The following PCDHA9 variants were observed in gnomAD, a reference collection of about 807,000 sequenced individuals.
PCDHA9 encodes the protein protocadherin alpha-9.
A neutral mutation model predicts 62.0 loss-of-function variants in PCDHA9; 62 were observed. That is an observed-to-expected ratio of 1.00 (90% confidence interval 0.81 to 1.23). PCDHA9 has a LOEUF of 1.23. Among genes scored for constraint, PCDHA9 ranks in the 50% most tolerant of loss-of-function variants. The pLI, the probability that PCDHA9 is intolerant of heterozygous loss-of-function variation, is 0.00. For synonymous variants in PCDHA9, 557 were observed against 567.6 expected, an observed-to-expected ratio of 0.98 and a Z score of 0.27; for missense variants, 1,205 against 1,249.8, an observed-to-expected ratio of 0.96 and a Z score of 0.54.
intron 1 of PCDHA9, chr5:140,928,859 T>G (rs782758888): frequency 1.2e-6 from 2 of 1,614,176 alleles, no homozygotes; most frequent in Non-Finnish European, 1.7e-6. Flanking sequence ...GGTGTGCTGT[T>G]GAGCAACTCT....
chr5:140,927,031 GC>G, intron 1 of PCDHA9: 6 of 1,612,410 alleles, frequency 3.7e-6, no homozygotes, highest in Non-Finnish European at 5.1e-6. Flanking sequence ...GAGGCTGCCA[GC>G]GGCCGCTATG....
In PCDHA9 at chr5:140,849,860, C is replaced by T. The variant is rs1451585591; in HGVS notation, c.1365C>T (p.Phe455=). The T allele has an allele frequency of 5.6e-5, 89 of 1,598,432 alleles. 9 individuals carry two copies. Among genetic ancestry groups the T allele is most frequent in the Non-Finnish European group, 7.4e-5 (87 of 1,167,988 alleles). ...ACGTGAACGACAACGCACCAGCGTT[C>T]GCGCAGTCCGAGTACACGGTGTTCG... The part of the protein sequence containing the change: ...VADVNDNAPA[F]AQSEYTVFVK... The change falls in exon 1 of 4, where the codon TTC becomes TTT. Residue 455 remains phenylalanine, a synonymous_variant. Transcript: ENST00000532602.
chr5:140,935,852 CTT>C (rs1267620281), intron 1 of PCDHA9, among the ~76,000 whole-genome samples: 2 of 149,326 alleles, frequency 1.3e-5, no homozygotes, highest in African/African-American at 4.9e-5. Context: ...TTAATGGTGT[CTT>C]TTGATTAGCA....
intron 2 of PCDHA9, among the ~76,000 whole-genome samples, chr5:140,979,837 C>T (rs1554241124): frequency 6.6e-6 from 1 of 152,188 alleles, no homozygotes; most frequent in Non-Finnish European, 1.5e-5. Flanking sequence ...AAGAAATAAT[C>T]TTCAAACTTA....
intron 1 of PCDHA9, chr5:140,876,322 A>G (rs146464308): frequency 6.2e-7 from 1 of 1,614,034 alleles, no homozygotes; most frequent in Non-Finnish European, 8.5e-7. Context: ...GATCAAAATG[A>G]TTTTGCCAGT....
chr5:141,002,437 T>C (rs1238744621), intron 3 of PCDHA9, among the ~76,000 whole-genome samples: 1 of 152,186 alleles, frequency 6.6e-6, no homozygotes, highest in Non-Finnish European at 1.5e-5. Context: ...GCAATAACCA[T>C]AATAATTGGC....
rs1562687946 is a variant in PCDHA9 at position 140,874,243 on chromosome 5, TG to T, written c.2394+23356del. ...GTAGGAATGAATGGCAACAAATTAT[TG>T]GTTTAAAGATTTTGACTTGAGTATT... On this transcript the variant is annotated intron_variant, in intron 1 of 3. Coordinates refer to ENST00000532602, the MANE Select transcript of PCDHA9 (RefSeq NM_031857.2). 2.0e-5 allele frequency among the ~76,000 whole-genome samples: 3 copies of T among 152,230 alleles called. No homozygotes were observed. In the South Asian group the frequency reaches 6.2e-4, roughly 32 times the overall value.
At chr5:140,962,406 T>C (rs1272839882) in intron 1 of PCDHA9, among the ~76,000 whole-genome samples, 1 of 152,218 alleles carries the variant, frequency 6.6e-6, no homozygotes, top group African/African-American at 2.4e-5. Context: ...GCCCCAAACC[T>C]GTCTCTCCCT....
Position 140,921,480 on chromosome 5 carries a change from A to G in PCDHA9, c.2395-57469A>G, listed in dbSNP as rs201609452. On this transcript the variant is annotated intron_variant, in intron 1 of 3. Coordinates refer to ENST00000532602, the MANE Select transcript of PCDHA9 (RefSeq NM_031857.2). ...CCTGCAACCACTACCAAACCACTCT[A>G]CCTGAGATTAGTTTATTAGATAGTG... 4.8e-4 allele frequency among the ~76,000 whole-genome samples: 73 copies of G among 152,306 alleles called. No homozygotes were observed. In the East Asian group the frequency reaches 0.011, roughly 22 times the overall value.
chr5:140,906,075 C>A (rs2153492820), intron 1 of PCDHA9, among the ~76,000 whole-genome samples: 1 of 152,246 alleles, frequency 6.6e-6, no homozygotes, highest in African/African-American at 2.4e-5. Context: ...TAGATCGCAC[C>A]CACCCAGACT....
chr5:140,865,139 A>G (rs1467997658), intron 1 of PCDHA9: 1 of 152,202 alleles, frequency 6.6e-6, no homozygotes, highest in Non-Finnish European at 1.5e-5. Flanking sequence ...CTTAGAATTT[A>G]ACATTGTATA....
At chr5:140,916,606 C>A (rs561641984) in intron 1 of PCDHA9, among the ~76,000 whole-genome samples, 1 of 152,168 alleles carries the variant, frequency 6.6e-6, no homozygotes, top group African/African-American at 2.4e-5. Context: ...GGAATGCGGG[C>A]CTCATGACTC....
intron 1 of PCDHA9, chr5:140,859,687 T>G (rs1196528150): frequency 1.3e-5 from 2 of 154,650 alleles, no homozygotes; most frequent in Non-Finnish European, 2.9e-5. Flanking sequence ...AAATTAAAAT[T>G]ATTGTTCAAG....
At chr5:140,982,353 C>G (rs2096979519) in intron 2 of PCDHA9, 122 bp from the exon 3 acceptor site, 1 of 1,509,284 alleles carries the variant, frequency 6.6e-7, no homozygotes, top group East Asian at 2.4e-5. Flanking sequence ...TCAGTTCAAG[C>G]ATGAGCAGAA....
At position 140,877,641 on chromosome 5, in the gene PCDHA9, C is replaced by G. The variant is rs548787462; in HGVS notation, c.2394+26752C>G. ...TGCTGCTGTACACTGCGCTGCGTTG[C>G]TCAGCGCCGCCCACCGTGAGCCGGT... On this transcript the variant is annotated intron_variant, in intron 1 of 3. Transcript: ENST00000532602. 6.2e-6 allele frequency: 10 copies of G among 1,613,592 alleles called. 1 individual carries two copies. In the South Asian group the frequency reaches 9.9e-5, roughly 16 times the overall value.
At chr5:140,938,937 C>T (rs1302555937) in intron 1 of PCDHA9, among the ~76,000 whole-genome samples, 4 of 152,070 alleles carry the variant, frequency 2.6e-5, no homozygotes, top group African/African-American at 9.7e-5. Context: ...TTTAACTTTC[C>T]ATTCTTATAA....
intron 1 of PCDHA9, among the ~76,000 whole-genome samples, chr5:140,954,085 C>G (rs1477637836): frequency 1.3e-5 from 2 of 152,142 alleles, no homozygotes; most frequent in African/African-American, 4.8e-5. Context: ...GCTTCCAGCT[C>G]CATCCATGTC....
chr5:140,969,408 T>C (rs2096327357), intron 1 of PCDHA9: 6 of 1,573,824 alleles, frequency 3.8e-6, no homozygotes, highest in Non-Finnish European at 5.2e-6. Flanking sequence ...GATTTGGCTT[T>C]ATTGAGTCAT....
chr5:140,872,003 A>G (rs1314439086), intron 1 of PCDHA9, among the ~76,000 whole-genome samples: 1 of 152,202 alleles, frequency 6.6e-6, no homozygotes, highest in South Asian at 2.1e-4. Context: ...GGCTATTTAC[A>G]GGTGACCTGT....
Sources: allele counts gnomAD v4.1 joint callset (sites outside exome capture counted in the v4.1 genomes callset), GRCh38; gene constraint gnomAD v4.1.1; transcripts MANE v1.5; gene names NCBI Gene and HGNC (gene_info 2026-07-23, HGNC 2026-07-21).